The following TBCK variants were observed in gnomAD, a reference collection of about 807,000 sequenced individuals.
The protein encoded by TBCK is TBC domain-containing protein kinase-like protein.
Under a neutral mutation model 113.4 loss-of-function variants are expected in TBCK, and 99 were observed. That is an observed-to-expected ratio of 0.87 (90% CI 0.74 to 1.03). The LOEUF (loss-of-function observed/expected upper bound fraction) is 1.03, where lower values mean the gene tolerates loss of function less well. Among genes scored for constraint, TBCK ranks in the 50% least tolerant of loss-of-function variants. The probability of loss-of-function intolerance (pLI) is 0.00; values close to 1 mark genes in which losing one functional copy is unlikely to be tolerated. For synonymous variants in TBCK, 369 were observed against 370.8 expected, an observed-to-expected ratio of 1.00 and a Z score of 0.05; for missense variants, 1,045 against 1,061.3, an observed-to-expected ratio of 0.98 and a Z score of 0.21.
At chr4:106,071,318 A>C (rs1737402956) in intron 25 of TBCK, among the ~76,000 whole-genome samples, 1 of 152,174 alleles carries the variant, frequency 6.6e-6, no homozygotes, top group South Asian at 2.1e-4. Context: ...CATTGGTTTC[A>C]AAGAACACCT....
intron 20 of TBCK, among the ~76,000 whole-genome samples, chr4:106,201,220 T>A (rs1238867942): frequency 6.6e-6 from 1 of 152,018 alleles, no homozygotes; most frequent in Non-Finnish European, 1.5e-5. Context: ...AAATAAGTAA[T>A]GTACTCTGTG....
At chr4:106,250,379 T>C (rs1761294580) in intron 7 of TBCK, 39 bp downstream of exon 7, 1 of 1,331,170 alleles carries the variant, frequency 7.5e-7, no homozygotes, top group Middle Eastern at 1.8e-4. Flanking sequence ...TAGTAAGTTA[T>C]ATTTATATTT....
intron 23 of TBCK, among the ~76,000 whole-genome samples, chr4:106,116,781 AT>A (rs1489959962): frequency 6.6e-6 from 1 of 152,080 alleles, no homozygotes; most frequent in Non-Finnish European, 1.5e-5. Context: ...TGAGAATCTA[AT>A]GCCTGATGAT....
chr4:106,191,359 A>T (rs1459703677), intron 22 of TBCK, among the ~76,000 whole-genome samples: 3 of 152,232 alleles, frequency 2.0e-5, no homozygotes, highest in Non-Finnish European at 4.4e-5. Flanking sequence ...TGAAAATAGT[A>T]TTATTCATAC....
chr4:106,121,416 TTAA>T (rs1744355615), intron 23 of TBCK, among the ~76,000 whole-genome samples: 1 of 141,166 alleles, frequency 7.1e-6, no homozygotes, highest in Admixed American at 7.1e-5. Flanking sequence ...CTCCCACACA[TTAA>T]TAATGGGAGA....
intron 20 of TBCK, among the ~76,000 whole-genome samples, chr4:106,206,466 A>G (rs1755512574): frequency 6.6e-6 from 1 of 152,200 alleles, no homozygotes; most frequent in Non-Finnish European, 1.5e-5. Context: ...AATGGATCCA[A>G]TGCCAGTAGA....
At chr4:106,215,960 T>C (rs1756851107) in intron 19 of TBCK, among the ~76,000 whole-genome samples, 1 of 147,880 alleles carries the variant, frequency 6.8e-6, no homozygotes, top group African/African-American at 2.5e-5. Flanking sequence ...GACCACATAC[T>C]TGGAAGTAAA....
rs1472160435 is a variant in TBCK, at chr4:106,055,236, C to T, written c.2572-8556G>A. ...AAAACTGCTCTGTTCAAAGAAGCCC[C>T]GTGCTTTCTTAGTTACTTTTTTCTC... On this transcript the variant is annotated intron_variant, in intron 25 of 25. Transcript: ENST00000394708. 1.3e-4 allele frequency among the ~76,000 whole-genome samples: 20 copies of T among 151,390 alleles called. No homozygotes were observed. In the South Asian group the frequency reaches 3.7e-3, roughly 28 times the overall value.
intron 23 of TBCK, among the ~76,000 whole-genome samples, chr4:106,147,936 G>A (rs946828948): frequency 1.3e-5 from 2 of 152,176 alleles, no homozygotes; most frequent in East Asian, 1.9e-4. Flanking sequence ...ACATCCCTGG[G>A]AAAGAGAACA....
At chr4:106,106,488 T>C (rs1043668171) in intron 24 of TBCK, among the ~76,000 whole-genome samples, 4 of 152,190 alleles carry the variant, frequency 2.6e-5, no homozygotes, top group Non-Finnish European at 5.9e-5. Flanking sequence ...GGGGCCTATA[T>C]TGAATGTTCT....
intron 22 of TBCK, among the ~76,000 whole-genome samples, chr4:106,171,877 C>G (rs1358310716): frequency 3.3e-5 from 5 of 151,972 alleles, no homozygotes; most frequent in African/African-American, 1.2e-4. Context: ...GTCTCCTAGG[C>G]TGGAGTGCAG....
At chr4:106,155,555 G>A (rs1749024343) in intron 23 of TBCK, among the ~76,000 whole-genome samples, 1 of 151,924 alleles carries the variant, frequency 6.6e-6, no homozygotes, top group Non-Finnish European at 1.5e-5. Flanking sequence ...GACCCTATAG[G>A]TATGCTTCAT....
intron 22 of TBCK, among the ~76,000 whole-genome samples, chr4:106,191,285 C>T (rs1753639498): frequency 6.6e-6 from 1 of 152,138 alleles, no homozygotes; most frequent in South Asian, 2.1e-4. Flanking sequence ...AGTCCTGAAA[C>T]CAATCCCCCA....
intron 3 of TBCK, among the ~76,000 whole-genome samples, chr4:106,277,270 C>T (rs766572234): frequency 6.6e-6 from 1 of 152,030 alleles, no homozygotes; most frequent in East Asian, 1.9e-4. Context: ...GGAAAAAGGT[C>T]TAATGGTGTT....
At chr4:106,257,431 A>G (rs1762111217) in intron 5 of TBCK, among the ~76,000 whole-genome samples, 1 of 152,176 alleles carries the variant, frequency 6.6e-6, no homozygotes, top group African/African-American at 2.4e-5. Context: ...CCTTTTCTAC[A>G]GCTACCTCCT....
chr4:106,223,192 C>T (rs1230497021), intron 19 of TBCK, among the ~76,000 whole-genome samples: 2 of 152,076 alleles, frequency 1.3e-5, no homozygotes, highest in Non-Finnish European at 2.9e-5. Context: ...TGGAAAAAAA[C>T]ACAACTGCTT....
chr4:106,092,708 C>T (rs553693894), intron 25 of TBCK, among the ~76,000 whole-genome samples: 31 of 152,336 alleles, frequency 2.0e-4, no homozygotes, highest in African/African-American at 6.7e-4. Flanking sequence ...CAAGCCCACG[C>T]CCACCTGGAA....
chr4:106,237,774 A>T (rs1244475918), intron 12 of TBCK, among the ~76,000 whole-genome samples: 1 of 152,170 alleles, frequency 6.6e-6, no homozygotes, highest in East Asian at 1.9e-4. Context: ...TCTTTCATAT[A>T]TTAAAATTTT....
intron 19 of TBCK, among the ~76,000 whole-genome samples, chr4:106,219,365 T>C (rs1407580479): frequency 6.7e-6 from 1 of 150,126 alleles, no homozygotes; most frequent in Non-Finnish European, 1.5e-5. Context: ...AAACTTAAAG[T>C]ATAATAATAA....
Sources: gnomAD v4.1 joint callset for allele counts (sites outside exome capture counted in the v4.1 genomes callset) on GRCh38, gnomAD v4.1.1 for gene constraint, MANE v1.5 for transcripts, NCBI Gene and HGNC (gene_info 2026-07-23, HGNC 2026-07-21) for gene names.